LUZP2: variants seen among roughly 807,000 people sequenced by gnomAD.
LUZP2 encodes leucine zipper protein 2.
In LUZP2, 52 loss-of-function variants were observed where a neutral mutation model predicts 51.6. The ratio of observed to expected loss-of-function variants is 1.01; its 90% CI spans 0.81 to 1.27. The LOEUF (loss-of-function observed/expected upper bound fraction) is 1.27, where lower values mean the gene tolerates loss of function less well. Ranked by LOEUF, LUZP2 falls within the 50% of genes most tolerant of loss-of-function variation. The pLI, the probability that LUZP2 is intolerant of heterozygous loss-of-function variation, is 0.00. For synonymous variants in LUZP2, 154 were observed against 137.3 expected (o/e 1.12, Z -0.85); for missense variants, 436 against 395.4 (o/e 1.10, Z -0.87).
chr11:24,755,155 A>C (rs11028144), intron 4 of LUZP2, among the ~76,000 whole-genome samples: 12,388 of 151,672 alleles, frequency 0.082, 824 homozygotes, highest in East Asian at 0.41. Flanking sequence ...AAAAAACAGA[A>C]AAAAAAAACA....
intron 1 of LUZP2, among the ~76,000 whole-genome samples, chr11:24,713,443 T>A (rs1398877178): frequency 6.6e-6 from 1 of 152,186 alleles, no homozygotes; most frequent in African/African-American, 2.4e-5. Flanking sequence ...TAAATCTTTC[T>A]TTTTGATGTT....
At chr11:24,708,447 G>A (rs1857687068) in intron 1 of LUZP2, among the ~76,000 whole-genome samples, 1 of 152,020 alleles carries the variant, frequency 6.6e-6, no homozygotes, top group Non-Finnish European at 1.5e-5. Flanking sequence ...TTTAACAAAT[G>A]CCTCTTGTAT....
At chr11:24,732,004 T>C (rs1466747122) in intron 2 of LUZP2, 114 bp from the exon 3 acceptor site, 12 of 706,270 alleles carry the variant, frequency 1.7e-5, no homozygotes, top group African/African-American at 3.7e-5. Context: ...GACTCATTTT[T>C]AATTCTTGTT....
intron 9 of LUZP2, among the ~76,000 whole-genome samples, chr11:25,029,268 A>G (rs1409946846): frequency 6.6e-6 from 1 of 152,158 alleles, no homozygotes; most frequent in Non-Finnish European, 1.5e-5. Flanking sequence ...GCTTGAGGAG[A>G]TGGGAACCTT....
intron 7 of LUZP2, among the ~76,000 whole-genome samples, chr11:24,975,863 A>C (rs527532992): frequency 6.6e-6 from 1 of 152,100 alleles, no homozygotes; most frequent in East Asian, 1.9e-4. Flanking sequence ...CACAACAACA[A>C]AAATAGAGTA....
At chr11:24,555,693 A>C (rs1478788585) in intron 1 of LUZP2, among the ~76,000 whole-genome samples, 1 of 152,182 alleles carries the variant, frequency 6.6e-6, no homozygotes, top group African/African-American at 2.4e-5. Context: ...ATGTTATCCA[A>C]GGCTGGCCAT....
intron 9 of LUZP2, among the ~76,000 whole-genome samples, chr11:25,012,043 A>AT (rs1856999833): frequency 6.6e-6 from 1 of 152,128 alleles, no homozygotes; most frequent in Admixed American, 6.6e-5. Context: ...AAAATGGTTC[A>AT]TTTTTAGGAA....
intron 9 of LUZP2, among the ~76,000 whole-genome samples, chr11:25,043,961 A>C (rs1213389389): frequency 6.8e-6 from 1 of 146,172 alleles, no homozygotes; most frequent in East Asian, 2.0e-4. Context: ...ATATATATAT[A>C]GTCCATATAT....
chr11:24,811,261 C>T (rs769558455), intron 5 of LUZP2, among the ~76,000 whole-genome samples: 1 of 152,142 alleles, frequency 6.6e-6, no homozygotes, highest in East Asian at 1.9e-4. Context: ...CAGAATCCTG[C>T]AAGCCTTAAT....
intron 5 of LUZP2, among the ~76,000 whole-genome samples, chr11:24,778,187 G>A (rs571599059): frequency 1.4e-3 from 209 of 152,124 alleles, no homozygotes; most frequent in African/African-American, 4.8e-3. Flanking sequence ...GAATGCTTGA[G>A]TCCAAGAATT....
At position 25,050,060 on chromosome 11, in the gene LUZP2, A is replaced by G. The variant is rs772825141; in HGVS notation, c.788A>G (p.Asn263Ser). The G allele has an allele frequency of 1.3e-6, 2 of 1,596,430 alleles. No individual in the cohort carries two copies. The highest frequency in any genetic ancestry group is 1.7e-6 in the Non-Finnish European group (2 of 1,171,332). The change falls in exon 10 of 12, where the codon AAC (asparagine) becomes AGC (serine). Residue 263 changes from asparagine (N) to serine (S), a missense_variant. Coordinates refer to ENST00000336930, the MANE Select transcript of LUZP2 (RefSeq NM_001009909.4). ...AAGCCTCAACAAAGTGCTTCTGGAAACAATGAGAGCTCTCAAGTTGAGTCA... is the reference window on the plus strand; with the variant it reads ...AAGCCTCAACAAAGTGCTTCTGGAAGCAATGAGAGCTCTCAAGTTGAGTCA... ...KSKPQQSASG[N>S]NESSQVESTK... is the part of the protein sequence containing the mutation.
chr11:24,793,434 G>A (rs770167434), intron 5 of LUZP2, among the ~76,000 whole-genome samples: 1 of 152,184 alleles, frequency 6.6e-6, no homozygotes, highest in Non-Finnish European at 1.5e-5. Context: ...ATCTGTGGAT[G>A]TACTCTGCTC....
rs74361740 is a variant in LUZP2 at position 24,497,997 on chromosome 11, T to G, written c.62+692T>G. 7.6e-3 allele frequency among the ~76,000 whole-genome samples: 1,163 copies of G among 152,286 alleles called. 57 individuals carry two copies. The East Asian group carries it at 0.14, about 19-fold the overall frequency. On this transcript the variant is annotated intron_variant, in intron 1 of 11. Transcript: ENST00000336930. ...TCCATCACTGGCCATGGATGGGACT[T>G]TAAGCCCCATTACAGAGGAGCTATT...
intron 10 of LUZP2, among the ~76,000 whole-genome samples, chr11:25,050,955 T>C (rs1463368305): frequency 6.6e-6 from 1 of 152,126 alleles, no homozygotes; most frequent in Non-Finnish European, 1.5e-5. Flanking sequence ...TTTTTGAACT[T>C]TGGCAAAATT....
intron 1 of LUZP2, among the ~76,000 whole-genome samples, chr11:24,603,199 T>C (rs1229974276): frequency 6.6e-6 from 1 of 151,758 alleles, no homozygotes; most frequent in African/African-American, 2.4e-5. Context: ...AACCCCAAGA[T>C]GAGGATGAAG....
chr11:24,501,374 T>C (rs1756266400), intron 1 of LUZP2, among the ~76,000 whole-genome samples: 1 of 152,216 alleles, frequency 6.6e-6, no homozygotes, highest in Non-Finnish European at 1.5e-5. Context: ...TCTGTACAGT[T>C]GTCCTTAACC....
chr11:24,569,952 C>T (rs1309607447), intron 1 of LUZP2, among the ~76,000 whole-genome samples: 2 of 151,976 alleles, frequency 1.3e-5, no homozygotes, highest in African/African-American at 4.8e-5. Flanking sequence ...CAAATTTTCA[C>T]TCAGTGTTTC....
At chr11:25,022,837 TA>T (rs1857379855) in intron 9 of LUZP2, among the ~76,000 whole-genome samples, 1 of 152,138 alleles carries the variant, frequency 6.6e-6, no homozygotes. Context: ...ATACCTAGTT[TA>T]TTGAGAGTTT....
intron 5 of LUZP2, among the ~76,000 whole-genome samples, chr11:24,876,817 T>C (rs1852282066): frequency 6.6e-6 from 1 of 152,090 alleles, no homozygotes; most frequent in Non-Finnish European, 1.5e-5. Context: ...CTCCTCTTTT[T>C]CTTTTATGCT....
Sources: allele counts gnomAD v4.1 joint callset (sites outside exome capture counted in the v4.1 genomes callset), GRCh38; gene constraint gnomAD v4.1.1; transcripts MANE v1.5; gene names NCBI Gene and HGNC (gene_info 2026-07-23, HGNC 2026-07-21).